The following KCTD15 variants were observed in gnomAD, a reference collection of about 807,000 sequenced individuals.
KCTD15 encodes potassium channel tetramerization domain containing 15, also known as BTB/POZ domain-containing protein KCTD15.
A neutral mutation model predicts 27.2 loss-of-function variants in KCTD15; 11 were observed. The ratio of observed to expected loss-of-function variants is 0.41; its 90% CI spans 0.25 to 0.67. KCTD15 has a LOEUF of 0.67. KCTD15 is among the 30% of genes least tolerant of loss of function. KCTD15 has a pLI of 0.35. For missense variants in KCTD15, 350 were observed against 409.3 expected, an observed-to-expected ratio of 0.86 and a Z score of 1.25; for synonymous variants, 163 against 176.0, an observed-to-expected ratio of 0.93 and a Z score of 0.58.
Position 33,813,116 on chromosome 19 carries a change from G to A in KCTD15, c.*168G>A, listed in dbSNP as rs1270059987. 3 of 677,960 alleles carry A rather than the reference G, an allele frequency of 4.4e-6. No homozygotes were observed. The highest frequency in any genetic ancestry group is 7.6e-6 in the Non-Finnish European group (3 of 392,738). 42.0% of individuals were successfully genotyped at this position (677,960 alleles called of 1,614,324 possible). On this transcript the variant is annotated 3_prime_UTR_variant, in exon 7 of 7. Transcript: ENST00000683859. ...CAGGTGTCATGGCAACAGAACGTGG[G>A]ATGCTGGAGGCATGCCTGCAGAAGG...
chr19:33,808,570 G>A (rs1975782634), intron 5 of KCTD15, among the ~76,000 whole-genome samples: 1 of 152,184 alleles, frequency 6.6e-6, no homozygotes, highest in Non-Finnish European at 1.5e-5. Context: ...AAAGGAGGCT[G>A]CTGTTTGATG....
At position 33,812,956 on chromosome 19, in the gene KCTD15, T is replaced by C. The variant is rs1975976848; in HGVS notation, c.*8T>C. Reference sequence around the variant, plus strand: ...CAGGAACCCCTGGACTAGGCCCTGCTTCAGTGCCCACCTGGGCCCCCCCAG... The same window carrying C: ...CAGGAACCCCTGGACTAGGCCCTGCCTCAGTGCCCACCTGGGCCCCCCCAG... On this transcript the variant is annotated 3_prime_UTR_variant, in exon 7 of 7. Transcript: ENST00000683859. 1.3e-6 allele frequency: 2 copies of C among 1,540,508 alleles called. No individual in the cohort carries two copies. Among genetic ancestry groups the C allele is most frequent in the South Asian group, 1.2e-5 (1 of 83,152 alleles).
chr19:33,796,535 G>A (rs1032609122), upstream of KCTD15: 39 of 151,106 alleles, frequency 2.6e-4, 1 homozygote, highest in African/African-American at 8.5e-4. Context: ...GGTAATTTGG[G>A]GCCGGATCGC....
rs1975724515 is a variant in KCTD15, at chr19:33,806,789, G to T, written c.243-74G>T. Reference sequence around the variant, plus strand: ...TCCAGCCGTGTGGGCCCTCAGGAGTGGGGGCGGGGTGTGGGAAGACAGGCA... The same window carrying T: ...TCCAGCCGTGTGGGCCCTCAGGAGTTGGGGCGGGGTGTGGGAAGACAGGCA... On this transcript the variant is annotated intron_variant, in intron 4 of 6. Transcript: ENST00000683859. 3.2e-6 allele frequency: 5 copies of T among 1,543,122 alleles called. No individual in the cohort carries two copies. In the East Asian group the frequency reaches 6.8e-5, roughly 21 times the overall value.
In KCTD15 at chr19:33,800,414, G is replaced by T. The variant is rs1006572947; in HGVS notation, c.-27-14G>T. On this transcript the variant is annotated splice_polypyrimidine_tract_variant and intron_variant, in intron 2 of 6. Coordinates refer to ENST00000683859, the MANE Select transcript of KCTD15 (RefSeq NM_001129994.2). Reference sequence around the variant, plus strand: ...GGAATAAGCCTTCTCTGGTTTTGTCGATGCCTCCCGCAGATACTCTGGGCA... The same window carrying T: ...GGAATAAGCCTTCTCTGGTTTTGTCTATGCCTCCCGCAGATACTCTGGGCA... The T allele has an allele frequency of 6.3e-7, 1 of 1,575,422 alleles. No individual in the cohort carries two copies. The highest frequency in any genetic ancestry group is 1.2e-5 in the South Asian group (1 of 86,096).
At position 33,810,177 on chromosome 19, in the gene KCTD15, T is replaced by C. The variant is rs145982464; in HGVS notation, c.388-1070T>C. 1.1e-3 allele frequency among the ~76,000 whole-genome samples: 160 copies of C among 152,236 alleles called. 1 individual carries two copies. The highest frequency in any genetic ancestry group is 1.5e-3 in the Non-Finnish European group (105 of 68,002). On this transcript the variant is annotated intron_variant, in intron 5 of 6. Transcript: ENST00000683859. ...TGTGTGAGCGTGTATAGTGTGCATA[T>C]GTGGCCCAGGGCATGGGGCCAGTAT...
intron 6 of KCTD15, chr19:33,812,494 G>A (rs1234454568): frequency 8.3e-7 from 1 of 1,208,508 alleles, no homozygotes; most frequent in Admixed American, 4.4e-5. Flanking sequence ...GGGACCCAAA[G>A]CCTCTTTTTG....
At chr19:33,805,742 G>A (rs1391291958) in intron 4 of KCTD15, among the ~76,000 whole-genome samples, 2 of 152,136 alleles carry the variant, frequency 1.3e-5, no homozygotes, top group African/African-American at 4.8e-5. Flanking sequence ...CCCAAACCAA[G>A]CCCTTGGCTA....
At chr19:33,803,082 G>T (rs1242673246) in intron 4 of KCTD15, among the ~76,000 whole-genome samples, 2 of 152,252 alleles carry the variant, frequency 1.3e-5, no homozygotes, top group African/African-American at 4.8e-5. Flanking sequence ...GACCCTCCTG[G>T]TGTGCCCAAG....
At chr19:33,812,046 C>G (rs1171207034) in intron 6 of KCTD15, 7 of 1,398,320 alleles carry the variant, frequency 5.0e-6, no homozygotes, top group Non-Finnish European at 5.5e-6. Flanking sequence ...GGAGTGAGGG[C>G]CTATTTTCCA....
intron 5 of KCTD15, among the ~76,000 whole-genome samples, chr19:33,810,675 C>CAA (rs72186145): frequency 0.087 from 10,448 of 120,314 alleles, 485 homozygotes; most frequent in Middle Eastern, 0.17. Context: ...AAAACAAAAA[C>CAA]AAAAAAAAAA....
Position 33,801,200 on chromosome 19 carries a change from C to G in KCTD15, c.100C>G (p.Arg34Gly). The G allele has an allele frequency of 6.2e-7, 1 of 1,611,772 alleles. No individual in the cohort carries two copies. Among genetic ancestry groups the G allele is most frequent in the East Asian group, 2.2e-5 (1 of 44,818 alleles). Reference protein sequence around the residue: ...GGNMSRLSLTRSPVSPLAAQG... With the variant: ...GGNMSRLSLTGSPVSPLAAQG... Reference sequence around the variant, plus strand: ...AAACATGTCCCGGCTGTCTCTCACCCGGTCGCCTGTGTCTCCCCTGGCTGC... The same window carrying G: ...AAACATGTCCCGGCTGTCTCTCACCGGGTCGCCTGTGTCTCCCCTGGCTGC... The change falls in exon 4 of 7, where the codon CGG becomes GGG. Residue 34 changes from arginine to glycine, a missense_variant. Transcript: ENST00000683859.
At chr19:33,794,991 G>A (rs1480372498), upstream of KCTD15, among the ~76,000 whole-genome samples, 1 of 152,214 alleles carries the variant, frequency 6.6e-6, no homozygotes, top group Non-Finnish European at 1.5e-5. Flanking sequence ...CAGCCCTTGG[G>A]CCTCGCGGGA....
chr19:33,811,473 T>A lies in KCTD15; in HGVS notation c.614T>A (p.Val205Asp). 1.2e-6 allele frequency: 2 copies of A among 1,612,796 alleles called. No individual in the cohort carries two copies. The highest frequency in any genetic ancestry group is 1.7e-6 in the Non-Finnish European group (2 of 1,179,764). The change falls in exon 6 of 7, where the codon GTC (valine) becomes GAC (aspartate). Residue 205 changes from valine (V) to aspartate (D), a missense_variant. This residue lies in a region of KCTD15 where 219 missense variants were observed against 234.9 expected (regional missense o/e 0.93). Transcript: ENST00000683859. ...ACCGGAGACGTCATGTGCAACTCCG[T>A]CAACGCCGGCTGGAACCAGGACCCC... ...PETGDVMCNSVNAGWNQDPTH... is the reference protein window; with the variant it reads ...PETGDVMCNSDNAGWNQDPTH...
At chr19:33,800,147 T>G (rs1384261618) in intron 2 of KCTD15, among the ~76,000 whole-genome samples, 1 of 152,214 alleles carries the variant, frequency 6.6e-6, no homozygotes, top group African/African-American at 2.4e-5. Context: ...GTGCTGTCAT[T>G]AGCCGAATTA....
chr19:33,798,302 A>C (rs560906058), intron 1 of KCTD15: 1 of 152,344 alleles, frequency 6.6e-6, no homozygotes, highest in South Asian at 2.1e-4. Context: ...CGATTTAGTG[A>C]AATCGTCTCA....
intron 6 of KCTD15, chr19:33,811,769 T>G (rs1301710793): frequency 4.8e-5 from 18 of 377,592 alleles, no homozygotes; most frequent in Non-Finnish European, 7.8e-5. Context: ...CGATCTGTAC[T>G]TTTTTTTTTT....
At chr19:33,811,639 AT>A in intron 6 of KCTD15, 87 bp downstream of exon 6, 1 of 1,528,092 alleles carries the variant, frequency 6.5e-7, no homozygotes, top group Non-Finnish European at 8.8e-7. Flanking sequence ...GGGAGGCGCG[AT>A]CCCTGAAACG....
At chr19:33,806,648 GT>G (rs1359710754) in intron 4 of KCTD15, among the ~76,000 whole-genome samples, 1 of 152,136 alleles carries the variant, frequency 6.6e-6, no homozygotes, top group African/African-American at 2.4e-5. Flanking sequence ...TGACTTGCGG[GT>G]GTAGGCAGGA....
Sources: allele counts gnomAD v4.1 joint callset (sites outside exome capture counted in the v4.1 genomes callset), GRCh38; gene constraint gnomAD v4.1.1; regional missense constraint gnomAD v4.1.1; transcripts MANE v1.5; gene names NCBI Gene and HGNC (gene_info 2026-07-23, HGNC 2026-07-21).